The following SEMA6D variants were observed in gnomAD, a reference collection of about 807,000 sequenced individuals.
SEMA6D encodes semaphorin 6D, also known as semaphorin-6D.
SEMA6D carries 35 observed loss-of-function variants against 106.6 expected under a neutral mutation model. That is an observed-to-expected ratio of 0.33 (90% CI 0.25 to 0.44). The LOEUF (loss-of-function observed/expected upper bound fraction) is 0.44, where lower values mean the gene tolerates loss of function less well. Ranked by LOEUF, SEMA6D falls within the 20% of genes least tolerant of loss-of-function variation. The pLI, the probability that SEMA6D is intolerant of heterozygous loss-of-function variation, is 1.00. For synonymous variants in SEMA6D, 499 were observed against 487.7 expected (o/e 1.02, Z -0.31); for missense variants, 1,185 against 1,345.9 (o/e 0.88, Z 1.87).
At chr15:47,440,027 A>G (rs923628250) in intron 2 of SEMA6D, among the ~76,000 whole-genome samples, 2 of 152,156 alleles carry the variant, frequency 1.3e-5, no homozygotes, top group Non-Finnish European at 2.9e-5. Context: ...AAGGTTACAT[A>G]AAAGCAAGTG....
chr15:47,365,494 C>T (rs2038978761), intron 1 of SEMA6D, among the ~76,000 whole-genome samples: 1 of 152,170 alleles, frequency 6.6e-6, no homozygotes, highest in South Asian at 2.1e-4. Context: ...AATCTCTTGA[C>T]TGGGTCAATT....
At chr15:47,265,606 T>C (rs1191960867) in intron 1 of SEMA6D, among the ~76,000 whole-genome samples, 2 of 152,022 alleles carry the variant, frequency 1.3e-5, no homozygotes, top group Admixed American at 6.6e-5. Flanking sequence ...CATGGGAAGT[T>C]TTTGTTAACT....
chr15:47,771,197 C>T lies in SEMA6D; in HGVS notation c.2634C>T (p.Thr878=). Residue 878 remains threonine, a synonymous_variant, in exon 19 of 19, where the codon ACC becomes ACT. Coordinates refer to ENST00000536845, the MANE Select transcript of SEMA6D (RefSeq NM_001358351.3). ...GGCGTTCTGTTGATTCCAGAAATAC[C>T]CTCAATGATCTCCTGAAGCATCTGA... ...DHRRSVDSRN[T]LNDLLKHLND... is the part of the protein sequence containing the mutation. The T allele has an allele frequency of 1.2e-6, 2 of 1,614,030 alleles. No individual in the cohort carries two copies. Among genetic ancestry groups the T allele is most frequent in the Non-Finnish European group, 1.7e-6 (2 of 1,179,978 alleles).
intron 4 of SEMA6D, among the ~76,000 whole-genome samples, chr15:47,631,339 A>G (rs530677914): frequency 1.3e-5 from 2 of 151,894 alleles, no homozygotes; most frequent in East Asian, 3.9e-4. Flanking sequence ...TTTGAAATCC[A>G]TTTATTCTAA....
At position 47,771,533 on chromosome 15, in the gene SEMA6D, C is replaced by T. The variant is rs1470122529; in HGVS notation, c.2970C>T (p.Ser990=). 1.9e-6 allele frequency: 3 copies of T among 1,614,088 alleles called. No homozygotes were observed. Among genetic ancestry groups the T allele is most frequent in the Admixed American group, 3.3e-5 (2 of 60,022 alleles). The change falls in exon 19 of 19, where the codon TCC becomes TCT. Residue 990 remains serine (S), a synonymous_variant. Transcript: ENST00000536845. ...ACTCACCAAATGGTGTTTTGTTATC[C>T]AGACAGCCTAGTATGAACCGTGGAG... ...NLNSPNGVLL[S]RQPSMNRGGY... is the part of the protein sequence containing the mutation.
chr15:47,617,133 A>G (rs1543912), intron 4 of SEMA6D, among the ~76,000 whole-genome samples: 152,017 of 152,238 alleles, frequency 1, 75,898 homozygotes, highest in Middle Eastern at 1. Context: ...CTGGTTAGTC[A>G]AGTTCAGTCA....
At chr15:47,554,287 C>A (rs2045853542) in intron 3 of SEMA6D, among the ~76,000 whole-genome samples, 1 of 152,190 alleles carries the variant, frequency 6.6e-6, no homozygotes, top group Non-Finnish European at 1.5e-5. Context: ...TGTTCTCCAG[C>A]TGCCCTTCAC....
intron 4 of SEMA6D, among the ~76,000 whole-genome samples, chr15:47,707,946 T>C (rs1187654054): frequency 6.6e-6 from 1 of 152,132 alleles, no homozygotes; most frequent in Non-Finnish European, 1.5e-5. Context: ...CTTGGAAAAA[T>C]CTCCCACATC....
intron 2 of SEMA6D, among the ~76,000 whole-genome samples, chr15:47,431,859 A>G (rs777012712): frequency 6.6e-6 from 1 of 152,156 alleles, no homozygotes; most frequent in Non-Finnish European, 1.5e-5. Context: ...CTGTTGAAAC[A>G]AAGATAATAA....
chr15:47,275,672 C>T (rs773484258), intron 1 of SEMA6D, among the ~76,000 whole-genome samples: 1 of 152,080 alleles, frequency 6.6e-6, no homozygotes, highest in African/African-American at 2.4e-5. Flanking sequence ...CCTTCTCTCT[C>T]TCCTTGGGCC....
chr15:47,292,022 C>G (rs2035611388), intron 1 of SEMA6D, among the ~76,000 whole-genome samples: 1 of 152,210 alleles, frequency 6.6e-6, no homozygotes, highest in African/African-American at 2.4e-5. Context: ...CTTTGCTTCT[C>G]AGGAAATCTC....
At chr15:47,496,156 T>C (rs2043650120) in intron 3 of SEMA6D, among the ~76,000 whole-genome samples, 1 of 152,054 alleles carries the variant, frequency 6.6e-6, no homozygotes, top group Non-Finnish European at 1.5e-5. Flanking sequence ...CTGGAGCTAA[T>C]TTATATACTT....
chr15:47,308,433 C>T (rs2036314650), intron 1 of SEMA6D, among the ~76,000 whole-genome samples: 1 of 152,134 alleles, frequency 6.6e-6, no homozygotes, highest in African/African-American at 2.4e-5. Flanking sequence ...CCTTCCTTAT[C>T]TTTGGAGTAT....
intron 1 of SEMA6D, chr15:47,397,981 G>A (rs1024960294): frequency 6.6e-6 from 1 of 152,042 alleles, no homozygotes; most frequent in African/African-American, 2.4e-5. Context: ...TAAACCCTGG[G>A]TTCTTAAACC....
chr15:47,238,477 A>T (rs2141705830), intron 1 of SEMA6D, among the ~76,000 whole-genome samples: 1 of 152,276 alleles, frequency 6.6e-6, no homozygotes, highest in Non-Finnish European at 1.5e-5. Flanking sequence ...TACAAAGCCA[A>T]AAGGGCTCCT....
chr15:47,644,346 A>G (rs1249869589), intron 4 of SEMA6D, among the ~76,000 whole-genome samples: 1 of 152,242 alleles, frequency 6.6e-6, no homozygotes, highest in Non-Finnish European at 1.5e-5. Context: ...GTATAATGCC[A>G]TATTCATTTA....
At chr15:47,268,254 C>T (rs1204134800) in intron 1 of SEMA6D, among the ~76,000 whole-genome samples, 1 of 152,178 alleles carries the variant, frequency 6.6e-6, no homozygotes, top group African/African-American at 2.4e-5. Context: ...GAGAATTATT[C>T]TAAAATGCAG....
At chr15:47,554,169 G>T (rs765063082) in intron 3 of SEMA6D, among the ~76,000 whole-genome samples, 1 of 152,162 alleles carries the variant, frequency 6.6e-6, no homozygotes, top group Non-Finnish European at 1.5e-5. Context: ...CTTGCTCAAG[G>T]TCACACAGCT....
intron 3 of SEMA6D, among the ~76,000 whole-genome samples, chr15:47,548,345 A>G (rs2045584080): frequency 1.3e-5 from 2 of 152,142 alleles, no homozygotes; most frequent in Non-Finnish European, 2.9e-5. Context: ...TGTTTTTATT[A>G]TCTTAAAATC....
Sources: allele counts gnomAD v4.1 joint callset (sites outside exome capture counted in the v4.1 genomes callset), GRCh38; gene constraint gnomAD v4.1.1; transcripts MANE v1.5; gene names NCBI Gene and HGNC (gene_info 2026-07-23, HGNC 2026-07-21).